The following LARP1 variants were observed in gnomAD, a reference collection of about 807,000 sequenced individuals.
LARP1 encodes la-related protein 1.
A neutral mutation model predicts 122.7 loss-of-function variants in LARP1; 36 were observed. The ratio of observed to expected loss-of-function variants is 0.29; its 90% CI spans 0.22 to 0.39. The LOEUF (loss-of-function observed/expected upper bound fraction) is 0.39. Ranked by LOEUF, LARP1 falls within the 10% of genes least tolerant of loss-of-function variation. The pLI is 1.00. For synonymous variants in LARP1, 539 were observed against 528.7 expected (o/e 1.02, Z -0.27); for missense variants, 1,040 against 1,403.6 (o/e 0.74, Z 4.14).
At chr5:154,687,868 C>T (rs1305249721) in intron 1 of LARP1, among the ~76,000 whole-genome samples, 2 of 152,164 alleles carry the variant, frequency 1.3e-5, no homozygotes, top group African/African-American at 2.4e-5. Flanking sequence ...GCCTGGAGTC[C>T]TGGGTGAATC....
rs1282464637 is a variant in LARP1, at chr5:154,730,680, G to C, written c.205+17550G>C. Among the ~76,000 whole-genome samples, 4 of 151,768 alleles carry C rather than the reference G, an allele frequency of 2.6e-5. No individual in the cohort carries two copies. The East Asian group carries it at 7.8e-4, about 30-fold the overall frequency. ...GTAGAGACAAGGTTTCACCATGTTG[G>C]CCAGGCCGGTCTCAAACTCCTGACC... On this transcript the variant is annotated intron_variant, in intron 1 of 18. Coordinates refer to the LARP1 transcript ENST00000336314.
intron 1 of LARP1, among the ~76,000 whole-genome samples, chr5:154,747,936 C>T (rs1268340010): frequency 1.3e-5 from 2 of 152,166 alleles, no homozygotes; most frequent in African/African-American, 4.8e-5. Flanking sequence ...TAGCTCACTG[C>T]AACTTCAAAC....
intron 1 of LARP1, among the ~76,000 whole-genome samples, chr5:154,749,548 A>G (rs950652783): frequency 6.6e-5 from 10 of 152,160 alleles, no homozygotes; most frequent in African/African-American, 1.9e-4. Flanking sequence ...ATTGCCATTT[A>G]CATCTCCTTC....
intron 1 of LARP1, among the ~76,000 whole-genome samples, chr5:154,701,935 A>C (rs1253246236): frequency 6.6e-6 from 1 of 151,954 alleles, no homozygotes; most frequent in Non-Finnish European, 1.5e-5. Flanking sequence ...TTTCTCTTTT[A>C]TCTGTAGTAG....
At chr5:154,798,465 A>G (rs1758066316) in intron 8 of LARP1, among the ~76,000 whole-genome samples, 1 of 152,216 alleles carries the variant, frequency 6.6e-6, no homozygotes, top group African/African-American at 2.4e-5. Flanking sequence ...ACAGTTGCAT[A>G]GTTCACCATT....
intron 1 of LARP1, among the ~76,000 whole-genome samples, chr5:154,723,685 A>T (rs1289273992): frequency 1.3e-5 from 2 of 152,252 alleles, no homozygotes; most frequent in African/African-American, 4.8e-5. Context: ...TATCAACTGC[A>T]TTATACAGAT....
At chr5:154,721,342 G>A (rs1435006324) in intron 1 of LARP1, among the ~76,000 whole-genome samples, 8 of 68,442 alleles carry the variant, frequency 1.2e-4, no homozygotes, top group South Asian at 5.5e-4. Context: ...GCGAGACTCC[G>A]TCTCAAAAAA....
chr5:154,766,881 T>C (rs1421071173), intron 1 of LARP1, among the ~76,000 whole-genome samples: 1 of 152,206 alleles, frequency 6.6e-6, no homozygotes, highest in Non-Finnish European at 1.5e-5. Context: ...TGGTTTTCCC[T>C]TCCTCCTTTC....
At chr5:154,697,910 C>A (rs1039154751) in intron 1 of LARP1, among the ~76,000 whole-genome samples, 1 of 152,164 alleles carries the variant, frequency 6.6e-6, no homozygotes, top group East Asian at 1.9e-4. Flanking sequence ...ACTGCAGCCT[C>A]GGACTCCTGG....
At chr5:154,751,428 A>T (rs1753482262), upstream of LARP1, among the ~76,000 whole-genome samples, 1 of 152,244 alleles carries the variant, frequency 6.6e-6, no homozygotes, top group Non-Finnish European at 1.5e-5. Flanking sequence ...CCACTGGGTT[A>T]TTATGAAGAT....
At chr5:154,785,768 C>G (rs1756829248) in intron 1 of LARP1, among the ~76,000 whole-genome samples, 1 of 152,172 alleles carries the variant, frequency 6.6e-6, no homozygotes, top group East Asian at 1.9e-4. Context: ...AACCACTCCA[C>G]TTTACAGAGG....
rs1759755231 is a variant in LARP1 at position 154,817,541 on chromosome 5, T to C, written c.*3445T>C. The C allele has an allele frequency of 6.5e-6, 1 of 152,700 alleles. No individual in the cohort carries two copies. Among genetic ancestry groups the C allele is most frequent in the Admixed American group, 6.5e-5 (1 of 15,292 alleles). 9.5% of individuals were successfully genotyped at this position (152,700 alleles called of 1,614,324 possible). On this transcript the variant is annotated 3_prime_UTR_variant, in exon 19 of 19. Transcript: ENST00000518297. ...TCCTGCTTTAGTCCTTTGTAATTTG[T>C]GGTAATTATGCTTTTCTTTTTAATA...
At chr5:154,724,682 TTA>T (rs1473716566) in intron 1 of LARP1, among the ~76,000 whole-genome samples, 22 of 151,846 alleles carry the variant, frequency 1.4e-4, no homozygotes, top group African/African-American at 5.1e-4. Context: ...TTTTTTTTTT[TTA>T]GGACAAGGTC....
Position 154,811,656 on chromosome 5 carries a change from TCTCTAA to T in LARP1, c.3081+21_3081+26del. 1 of 1,613,988 alleles carries T rather than the reference TCTCTAA, an allele frequency of 6.2e-7. No homozygotes were observed. The highest frequency in any genetic ancestry group is 8.5e-7 in the Non-Finnish European group (1 of 1,179,934). On this transcript the variant is annotated intron_variant, in intron 18 of 18. Transcript: ENST00000518297. Reference sequence around the variant, plus strand: ...CCGAGTAGATGTAAGTGAAACTCTTTCTCTAACTCTGCTTGTCCTGGAAAGAAAACT... The same window carrying T: ...CCGAGTAGATGTAAGTGAAACTCTTTCTCTGCTTGTCCTGGAAAGAAAACT...
chr5:154,803,944 T>C lies in LARP1; in HGVS notation c.2439+199T>C, dbSNP rs1025104029. On this transcript the variant is annotated intron_variant, in intron 13 of 18. Coordinates refer to ENST00000518297, the MANE Select transcript of LARP1 (RefSeq NM_033551.3). This position sits in a 1 kb window ranked among gnomAD's most constrained non-coding sequence, Gnocchi z 4.4. The stretch of plus-strand genomic sequence containing the variant: ...ACTGGGTGTGGGAGTGGTAACCCCA[T>C]GTTGAAAGGCCTAAGGAGGATTGAC... Among the ~76,000 whole-genome samples, 4 of 152,176 alleles carry C rather than the reference T, an allele frequency of 2.6e-5. No individual in the cohort carries two copies. Among genetic ancestry groups the C allele is most frequent in the African/African-American group, 9.7e-5 (4 of 41,450 alleles).
chr5:154,710,437 C>A (rs1755160007), upstream of LARP1, among the ~76,000 whole-genome samples: 1 of 151,834 alleles, frequency 6.6e-6, no homozygotes, highest in Non-Finnish European at 1.5e-5. Flanking sequence ...TATAGTGAGA[C>A]CCTATCTGTT....
chr5:154,703,733 G>T (rs1258833297), intron 1 of LARP1, among the ~76,000 whole-genome samples: 1 of 152,046 alleles, frequency 6.6e-6, no homozygotes, highest in African/African-American at 2.4e-5. Flanking sequence ...CAATTCTCCT[G>T]CCTTAGCCTC....
chr5:154,703,317 G>A (rs935999934), intron 1 of LARP1, among the ~76,000 whole-genome samples: 1 of 152,140 alleles, frequency 6.6e-6, no homozygotes, highest in East Asian at 1.9e-4. Flanking sequence ...CCTTATGCCA[G>A]TTGCCTTTGG....
upstream of LARP1, among the ~76,000 whole-genome samples, chr5:154,751,830 A>G (rs147614285): frequency 6.7e-3 from 1,026 of 152,358 alleles, 6 homozygotes; most frequent in Non-Finnish European, 0.011. Flanking sequence ...CATAGTATAT[A>G]TAGAGTTTGG....
Sources: gnomAD v4.1 joint callset for allele counts (sites outside exome capture counted in the v4.1 genomes callset) on GRCh38, gnomAD v4.1.1 for gene constraint, Gnocchi (gnomAD v3.1) non-coding constraint, MANE v1.5 for transcripts, NCBI Gene and HGNC (gene_info 2026-07-23, HGNC 2026-07-21) for gene names.